TRMT11: variants seen among roughly 807,000 people sequenced by gnomAD.
The protein encoded by TRMT11 is tRNA methyltransferase 11, also known as tRNA (guanine(10)-N(2))-methyltransferase TRMT11.
Under a neutral mutation model 62.8 loss-of-function variants are expected in TRMT11, and 53 were observed. The ratio of observed to expected loss-of-function variants is 0.84; its 90% CI spans 0.68 to 1.06. TRMT11 has a LOEUF of 1.06. Among genes scored for constraint, TRMT11 ranks in the 50% least tolerant of loss-of-function variants. TRMT11 has a pLI of 0.00. For synonymous variants in TRMT11, 188 were observed against 190.3 expected, an observed-to-expected ratio of 0.99 and a Z score of 0.10; for missense variants, 556 against 553.4, an observed-to-expected ratio of 1.00 and a Z score of -0.05.
rs529849158 is a variant in TRMT11, at chr6:126,009,820, C to T, written c.760+1348C>T. Among the ~76,000 whole-genome samples the T allele has an allele frequency of 1.3e-3, 198 of 151,970 alleles. 1 individual carries two copies. The highest frequency in any genetic ancestry group is 4.6e-3 in the African/African-American group (191 of 41,470). ...AGTATATTTCTTTTAAGGAAATTGT[C>T]TTATATAATTTACTTGAATTTTTAT... On this transcript the variant is annotated intron_variant, in intron 8 of 12. Coordinates refer to ENST00000334379, the MANE Select transcript of TRMT11 (RefSeq NM_001031712.3).
intron 18 of TRMT11, among the ~76,000 whole-genome samples, chr6:126,114,431 T>A (rs186388927): frequency 2.6e-4 from 40 of 152,224 alleles, no homozygotes; most frequent in Non-Finnish European, 4.0e-4. Flanking sequence ...AGCTGTGTGC[T>A]GATTGGATGA....
chr6:126,133,235 C>T (rs1048796856), intron 21 of TRMT11, among the ~76,000 whole-genome samples: 2 of 152,006 alleles, frequency 1.3e-5, no homozygotes, highest in African/African-American at 2.4e-5. Context: ...TATCAATATG[C>T]TTTAGCCAAG....
chr6:126,034,268 A>G (rs1677567161), intron 12 of TRMT11, among the ~76,000 whole-genome samples: 1 of 152,212 alleles, frequency 6.6e-6, no homozygotes, highest in African/African-American at 2.4e-5. Flanking sequence ...CCCTATCTGT[A>G]AAATTTAGAT....
intron 1 of TRMT11, among the ~76,000 whole-genome samples, chr6:126,180,611 C>T (rs547098087): frequency 6.6e-6 from 1 of 152,280 alleles, no homozygotes; most frequent in African/African-American, 2.4e-5. Context: ...AGAGCTATAA[C>T]ATATAGAAAC....
At chr6:126,191,464 C>CTTTTTTTT (rs77414207) in intron 1 of TRMT11, among the ~76,000 whole-genome samples, 156 of 102,296 alleles carry the variant, frequency 1.5e-3, no homozygotes, top group East Asian at 2.9e-3. Context: ...TCCTACTTGT[C>CTTTTTTTT]TTTTTTTTTT....
chr6:126,263,163 C>A, the TRMT11 span, among the ~76,000 whole-genome samples: 2 of 152,002 alleles, frequency 1.3e-5, no homozygotes, highest in Non-Finnish European at 2.9e-5. Flanking sequence ...CAAACCAGAA[C>A]TTTTTTTCAC....
chr6:126,140,544 TG>T (rs1419995496), intron 21 of TRMT11, among the ~76,000 whole-genome samples: 1 of 152,102 alleles, frequency 6.6e-6, no homozygotes, highest in Non-Finnish European at 1.5e-5. Context: ...ATGTATTCAG[TG>T]GTTACTGATG....
At chr6:126,253,274 G>A in the TRMT11 span, among the ~76,000 whole-genome samples, 1 of 151,988 alleles carries the variant, frequency 6.6e-6, no homozygotes, top group African/African-American at 2.4e-5. Flanking sequence ...AGGTCTTCAG[G>A]GGCAATAACA....
intron 17 of TRMT11, among the ~76,000 whole-genome samples, chr6:126,082,981 C>CA (rs2128158944): frequency 6.6e-6 from 1 of 152,114 alleles, no homozygotes; most frequent in South Asian, 2.1e-4. Context: ...GGTTAATATC[C>CA]AAAATTTATA....
intron 21 of TRMT11, among the ~76,000 whole-genome samples, chr6:126,150,957 A>G (rs1335070669): frequency 6.6e-6 from 1 of 152,112 alleles, no homozygotes; most frequent in Non-Finnish European, 1.5e-5. Flanking sequence ...TGAGTGATAG[A>G]GCTATTACTA....
the TRMT11 span, among the ~76,000 whole-genome samples, chr6:126,220,844 G>T: frequency 1.3e-5 from 2 of 151,992 alleles, no homozygotes; most frequent in Non-Finnish European, 2.9e-5. Context: ...TTGGGGTACA[G>T]ATTATTTCAT....
chr6:126,091,806 C>T (rs1251317657), intron 17 of TRMT11, among the ~76,000 whole-genome samples: 3 of 152,172 alleles, frequency 2.0e-5, no homozygotes, highest in African/African-American at 7.2e-5. Context: ...CTAAAGAATG[C>T]CGTGCAGCTT....
the TRMT11 span, among the ~76,000 whole-genome samples, chr6:126,224,276 G>T: frequency 6.6e-6 from 1 of 152,204 alleles, no homozygotes; most frequent in Non-Finnish European, 1.5e-5. Flanking sequence ...GGGTTGATGA[G>T]AATTCTTTCA....
intron 17 of TRMT11, among the ~76,000 whole-genome samples, chr6:126,054,829 A>C (rs974052641): frequency 6.6e-6 from 1 of 152,174 alleles, no homozygotes; most frequent in Non-Finnish European, 1.5e-5. Flanking sequence ...CTTGGAGCCC[A>C]CTCTGCTGTC....
upstream of TRMT11, among the ~76,000 whole-genome samples, chr6:126,176,648 A>G (rs894239730): frequency 6.6e-6 from 1 of 152,198 alleles, no homozygotes; most frequent in Non-Finnish European, 1.5e-5. Flanking sequence ...AATAAAATAG[A>G]TTTACAGAAC....
chr6:126,128,657 G>C, intron 21 of TRMT11, among the ~76,000 whole-genome samples: 1 of 152,130 alleles, frequency 6.6e-6, no homozygotes, highest in Non-Finnish European at 1.5e-5. Context: ...CCTTTCCTGC[G>C]TGGGGTGATT....
At chr6:126,156,514 G>A (rs775240336) in intron 21 of TRMT11, among the ~76,000 whole-genome samples, 7 of 152,178 alleles carry the variant, frequency 4.6e-5, no homozygotes, top group African/African-American at 1.4e-4. Flanking sequence ...ACTAACATTC[G>A]TCAGTACTAG....
In TRMT11 at chr6:126,112,662, C is replaced by G. The variant is rs1227838645; in HGVS notation, c.*1438-204C>G. 3.3e-5 allele frequency among the ~76,000 whole-genome samples: 5 copies of G among 152,194 alleles called. No homozygotes were observed. The East Asian group carries it at 9.7e-4, about 29-fold the overall frequency. ...TGAAAATGTGAAACTTATTAATTAT[C>G]CTGCATTTTTGCTTGGCTGCTAGCT... On this transcript the variant is annotated intron_variant and NMD_transcript_variant, in intron 17 of 22. Coordinates refer to the TRMT11 transcript ENST00000648977.
intron 17 of TRMT11, among the ~76,000 whole-genome samples, chr6:126,073,071 C>T (rs896338102): frequency 2.6e-5 from 4 of 152,130 alleles, no homozygotes; most frequent in Admixed American, 1.3e-4. Context: ...ATGGAAGATC[C>T]TACTTGAATT....
Sources: allele counts gnomAD v4.1 joint callset (sites outside exome capture counted in the v4.1 genomes callset), GRCh38; gene constraint gnomAD v4.1.1; transcripts MANE v1.5; gene names NCBI Gene and HGNC (gene_info 2026-07-23, HGNC 2026-07-21).